CPNE4: variants seen among roughly 807,000 people sequenced by gnomAD.
CPNE4 encodes copine-4.
A neutral mutation model predicts 67.9 loss-of-function variants in CPNE4; 25 were observed. The observed-to-expected ratio is 0.37, with a 90% confidence interval of 0.27 to 0.51. The LOEUF (loss-of-function observed/expected upper bound fraction) is 0.51, where lower values mean the gene tolerates loss of function less well. CPNE4 is among the 20% of genes least tolerant of loss of function. The probability of loss-of-function intolerance (pLI) is 0.93; values close to 1 mark genes in which losing one functional copy is unlikely to be tolerated. For synonymous variants in CPNE4, 242 were observed against 244.9 expected, an observed-to-expected ratio of 0.99 and a Z score of 0.11; for missense variants, 464 against 690.8, an observed-to-expected ratio of 0.67 and a Z score of 3.68.
At chr3:131,735,383 C>A (rs375051534) in intron 2 of CPNE4, among the ~76,000 whole-genome samples, 1 of 152,204 alleles carries the variant, frequency 6.6e-6, no homozygotes, top group Admixed American at 6.5e-5. Context: ...TTTCCTGAAG[C>A]ATGTTTCATG....
chr3:131,970,296 G>A (rs2072467353), intron 1 of CPNE4, among the ~76,000 whole-genome samples: 1 of 152,200 alleles, frequency 6.6e-6, no homozygotes, highest in Non-Finnish European at 1.5e-5. Flanking sequence ...TTGACCTGTA[G>A]CCAAAGCAAG....
chr3:131,726,053 T>C (rs1464928010), intron 2 of CPNE4, among the ~76,000 whole-genome samples: 1 of 152,204 alleles, frequency 6.6e-6, no homozygotes, highest in Non-Finnish European at 1.5e-5. Context: ...CCAAGAAGTA[T>C]GCTGTGGGTG....
At chr3:131,671,620 T>C (rs186618042) in intron 6 of CPNE4, among the ~76,000 whole-genome samples, 1 of 152,238 alleles carries the variant, frequency 6.6e-6, no homozygotes, top group East Asian at 1.9e-4. Context: ...TGTGAAACTC[T>C]AGGAGCACCT....
At chr3:131,781,120 A>T (rs1583187413) in intron 2 of CPNE4, among the ~76,000 whole-genome samples, 1 of 151,990 alleles carries the variant, frequency 6.6e-6, no homozygotes, top group African/African-American at 2.4e-5. Context: ...AAATCAATTC[A>T]TTTCTGCCTG....
At chr3:131,757,747 G>A (rs1467278598) in intron 2 of CPNE4, among the ~76,000 whole-genome samples, 1 of 152,196 alleles carries the variant, frequency 6.6e-6, no homozygotes, top group Non-Finnish European at 1.5e-5. Context: ...AGGCCCAGGA[G>A]GAAAAAGTGG....
At chr3:131,719,860 G>A (rs1367839205) in intron 3 of CPNE4, among the ~76,000 whole-genome samples, 4 of 152,178 alleles carry the variant, frequency 2.6e-5, no homozygotes, top group Admixed American at 2.6e-4. Flanking sequence ...TTTTAGGCTA[G>A]GAAACCTTTC....
At chr3:131,856,672 A>G (rs1223454112) in intron 2 of CPNE4, among the ~76,000 whole-genome samples, 1 of 152,010 alleles carries the variant, frequency 6.6e-6, no homozygotes, top group Middle Eastern at 3.2e-3. Context: ...AACATTGTCC[A>G]CAAAAGGACT....
intron 1 of CPNE4, among the ~76,000 whole-genome samples, chr3:131,920,954 G>A (rs2070726282): frequency 6.6e-6 from 1 of 152,190 alleles, no homozygotes; most frequent in South Asian, 2.1e-4. Context: ...TAAAGAAGAT[G>A]TCTGATGGTC....
At chr3:131,724,871 G>C in intron 2 of CPNE4, among the ~76,000 whole-genome samples, 1 of 152,048 alleles carries the variant, frequency 6.6e-6, no homozygotes, top group East Asian at 1.9e-4. Flanking sequence ...TTATCGCTAA[G>C]GCTCTTTTCC....
chr3:131,892,463 A>G (rs921671657), intron 2 of CPNE4, among the ~76,000 whole-genome samples: 1 of 152,142 alleles, frequency 6.6e-6, no homozygotes, highest in East Asian at 1.9e-4. Flanking sequence ...ATAAAAGAAC[A>G]ATAAGTACTA....
chr3:131,887,182 T>G (rs1418533315), intron 2 of CPNE4, among the ~76,000 whole-genome samples: 1 of 152,218 alleles, frequency 6.6e-6, no homozygotes, highest in East Asian at 1.9e-4. Flanking sequence ...CATACTGTTC[T>G]CATGGTAGTG....
rs532556330 is a variant in CPNE4 at position 131,852,973 on chromosome 3, T to C, written c.180+52291A>G. On this transcript the variant is annotated intron_variant, in intron 2 of 15. Coordinates refer to ENST00000429747, the MANE Select transcript of CPNE4 (RefSeq NM_130808.3). ...AGAGAAATTTTTTAAATATTTTAAA[T>C]AAAAATGTAACATGTTAAGATGTCA... Among the ~76,000 whole-genome samples, 68 of 151,878 alleles carry C rather than the reference T, an allele frequency of 4.5e-4. 1 individual carries two copies. The highest frequency in any genetic ancestry group is 1.6e-3 in the African/African-American group (68 of 41,536).
chr3:131,848,977 A>AAAAC (rs2086123314), intron 2 of CPNE4, among the ~76,000 whole-genome samples: 1 of 148,604 alleles, frequency 6.7e-6, no homozygotes, highest in Non-Finnish European at 1.5e-5. Context: ...AAAAAAAAAA[A>AAAAC]AAAAACACAG....
chr3:131,817,410 C>T (rs577385611), intron 2 of CPNE4, among the ~76,000 whole-genome samples: 1 of 152,104 alleles, frequency 6.6e-6, no homozygotes, highest in African/African-American at 2.4e-5. Flanking sequence ...ATTCAAGAAA[C>T]AGCAAGGAAG....
intron 7 of CPNE4, among the ~76,000 whole-genome samples, chr3:131,605,976 T>C (rs914141582): frequency 2.6e-5 from 4 of 152,132 alleles, no homozygotes; most frequent in African/African-American, 9.6e-5. Context: ...TGACAGGTAA[T>C]CATTGTTTCT....
chr3:131,637,395 T>G (rs967588445), intron 7 of CPNE4, among the ~76,000 whole-genome samples: 1 of 152,094 alleles, frequency 6.6e-6, no homozygotes. Flanking sequence ...TAATGCAAAA[T>G]GCACTGGTAA....
intron 1 of CPNE4, among the ~76,000 whole-genome samples, chr3:131,990,343 T>G (rs2073148936): frequency 7.3e-6 from 1 of 136,694 alleles, no homozygotes; most frequent in African/African-American, 2.5e-5. Context: ...AGTTGAGTTT[T>G]GAGTTCTAGC....
At chr3:131,930,588 G>A (rs2071031942) in intron 1 of CPNE4, among the ~76,000 whole-genome samples, 1 of 152,194 alleles carries the variant, frequency 6.6e-6, no homozygotes, top group Non-Finnish European at 1.5e-5. Flanking sequence ...TGCAATGTGA[G>A]TGATGCTTCC....
At chr3:131,955,399 TTGTA>T in intron 1 of CPNE4, among the ~76,000 whole-genome samples, 1 of 148,142 alleles carries the variant, frequency 6.8e-6, no homozygotes, top group East Asian at 2.0e-4. Context: ...CTGTGTGGTA[TTGTA>T]TGTAAGGTTT....
Sources: allele counts gnomAD v4.1 joint callset (sites outside exome capture counted in the v4.1 genomes callset), GRCh38; gene constraint gnomAD v4.1.1; transcripts MANE v1.5; gene names NCBI Gene and HGNC (gene_info 2026-07-23, HGNC 2026-07-21).